The following DPP6 variants were observed in gnomAD, a reference collection of about 807,000 sequenced individuals.
DPP6 encodes dipeptidyl peptidase like 6.
In DPP6, 69 loss-of-function variants were observed where a neutral mutation model predicts 122.6. The ratio of observed to expected loss-of-function variants is 0.56; its 90% CI spans 0.46 to 0.69. The LOEUF (loss-of-function observed/expected upper bound fraction) is 0.69. Ranked by LOEUF, DPP6 falls within the 30% of genes least tolerant of loss-of-function variation. DPP6 has a pLI of 0.00. For synonymous variants in DPP6, 418 were observed against 433.1 expected (o/e 0.97, Z 0.43); for missense variants, 928 against 1,116.9 (o/e 0.83, Z 2.41).
intron 2 of DPP6, among the ~76,000 whole-genome samples, chr7:154,449,420 C>CA (rs1016371579): frequency 2.6e-5 from 4 of 151,888 alleles, no homozygotes; most frequent in African/African-American, 9.7e-5. Context: ...CAAACACAAA[C>CA]AAAAAATGGA....
intron 1 of DPP6, among the ~76,000 whole-genome samples, chr7:154,442,217 A>G: frequency 6.6e-6 from 1 of 152,216 alleles, no homozygotes; most frequent in East Asian, 1.9e-4. Context: ...TGAGACGTTG[A>G]ACACAGTAAG....
At chr7:154,415,974 T>A (rs1816979263) in intron 1 of DPP6, among the ~76,000 whole-genome samples, 1 of 151,602 alleles carries the variant, frequency 6.6e-6, no homozygotes, top group South Asian at 2.1e-4. Context: ...TGCCAGAGAG[T>A]TATAGTAGTC....
chr7:154,206,233 C>T (rs1027244443), intron 1 of DPP6, among the ~76,000 whole-genome samples: 2 of 152,212 alleles, frequency 1.3e-5, no homozygotes, highest in East Asian at 1.9e-4. Flanking sequence ...CTCTATCAAC[C>T]AGCACCGTGG....
intron 1 of DPP6, among the ~76,000 whole-genome samples, chr7:154,352,793 G>A (rs530166267): frequency 6.6e-6 from 1 of 152,208 alleles, no homozygotes; most frequent in Non-Finnish European, 1.5e-5. Context: ...GTATACCTAT[G>A]TAACAAACCT....
At chr7:153,960,283 C>T (rs921775829) in intron 1 of DPP6, among the ~76,000 whole-genome samples, 15 of 152,146 alleles carry the variant, frequency 9.9e-5, no homozygotes, top group African/African-American at 3.6e-4. Context: ...ATTTTACCCA[C>T]AGTAGAACTT....
intron 1 of DPP6, among the ~76,000 whole-genome samples, chr7:154,365,772 C>G (rs1325499803): frequency 6.6e-6 from 1 of 151,952 alleles, no homozygotes; most frequent in African/African-American, 2.4e-5. Context: ...ACTAACACGC[C>G]ACGGTGAAAC....
At chr7:154,750,595 G>A (rs1384475132) in intron 8 of DPP6, among the ~76,000 whole-genome samples, 2 of 152,210 alleles carry the variant, frequency 1.3e-5, no homozygotes, top group Non-Finnish European at 2.9e-5. Context: ...CTGAAGGGTG[G>A]CGGGGGTCGG....
chr7:153,793,471 A>T, the DPP6 span, among the ~76,000 whole-genome samples: 2 of 141,774 alleles, frequency 1.4e-5, no homozygotes, highest in African/African-American at 5.2e-5. Context: ...TAAGCAGCAA[A>T]ACATTCAAGA....
rs78355088 is a variant in DPP6 at position 154,224,507 on chromosome 7, G to A, written c.243+171444G>A. Among the ~76,000 whole-genome samples the A allele has an allele frequency of 6.7e-4, 100 of 149,056 alleles. 16 individuals carry two copies. Among genetic ancestry groups the A allele is most frequent in the African/African-American group, 2.4e-3 (92 of 39,108 alleles). ...AAATGTTTCTGCATTGGTCTCCCAG[G>A]CCATTCCAATCAACTGCAAAGCTTC... On this transcript the variant is annotated intron_variant, in intron 1 of 25. Transcript: ENST00000377770.
In DPP6 at chr7:154,877,928, T is replaced by C. The variant is rs972077720; in HGVS notation, c.2078+1828T>C. 1.3e-5 allele frequency among the ~76,000 whole-genome samples: 2 copies of C among 152,120 alleles called. No homozygotes were observed. Among genetic ancestry groups the C allele is most frequent in the Admixed American group, 1.3e-4 (2 of 15,280 alleles). ...TGGCTGCTGGGTCAGCAGCGGGCAG[T>C]GCCAGCCACAGAGGACTCCCAGGAC... On this transcript the variant is annotated intron_variant, in intron 20 of 25. Transcript: ENST00000377770. This position sits in a 1 kb window ranked among gnomAD's most constrained non-coding sequence, Gnocchi z 5.2.
rs773671810 is a variant in DPP6 at position 154,720,786 on chromosome 7, G to A, written c.763-6981G>A. On this transcript the variant is annotated intron_variant, in intron 7 of 25. Transcript: ENST00000377770. Reference sequence around the variant, plus strand: ...GGGTGGGCAGCCCCTTCACCAGAACGGAATGCAAGTGCTGAGCCAGCTGAC... The same window carrying A: ...GGGTGGGCAGCCCCTTCACCAGAACAGAATGCAAGTGCTGAGCCAGCTGAC... Among the ~76,000 whole-genome samples, 37 of 152,376 alleles carry A rather than the reference G, an allele frequency of 2.4e-4. No homozygotes were observed. In the Middle Eastern group the frequency reaches 0.02, roughly 84 times the overall value.
intron 16 of DPP6, among the ~76,000 whole-genome samples, chr7:154,825,152 A>G (rs1035969382): frequency 6.6e-6 from 1 of 152,194 alleles, no homozygotes; most frequent in African/African-American, 2.4e-5. Flanking sequence ...ATGGCCAAAG[A>G]GGACTTCTTC....
intron 1 of DPP6, among the ~76,000 whole-genome samples, chr7:154,244,622 T>C (rs1801852796): frequency 1.3e-5 from 2 of 152,122 alleles, no homozygotes; most frequent in South Asian, 2.1e-4. Flanking sequence ...ATTGATATAA[T>C]ATTGACTGTA....
intron 1 of DPP6, among the ~76,000 whole-genome samples, chr7:154,114,187 C>T (rs552795793): frequency 3.1e-4 from 47 of 151,662 alleles, no homozygotes; most frequent in African/African-American, 1.1e-3. Context: ...CTTCATTTAG[C>T]ACAGCCCTGG....
intron 17 of DPP6, among the ~76,000 whole-genome samples, chr7:154,854,995 G>T (rs1000110739): frequency 1.3e-5 from 2 of 152,050 alleles, no homozygotes; most frequent in African/African-American, 2.4e-5. Context: ...TAGGTCTGGG[G>T]ACAGAGGTGA....
chr7:154,561,665 A>G (rs1051278317), intron 4 of DPP6, among the ~76,000 whole-genome samples: 2 of 152,154 alleles, frequency 1.3e-5, no homozygotes, highest in African/African-American at 4.8e-5. Context: ...AAGATTTAAA[A>G]CCCCAAGTAC....
chr7:154,423,329 C>T (rs1047038161), intron 1 of DPP6, among the ~76,000 whole-genome samples: 6 of 152,014 alleles, frequency 3.9e-5, no homozygotes, highest in African/African-American at 7.2e-5. Context: ...GTGGTGTCTG[C>T]GAACTGGCAA....
chr7:154,666,830 T>G (rs1382951467), intron 6 of DPP6, among the ~76,000 whole-genome samples: 1 of 152,236 alleles, frequency 6.6e-6, no homozygotes, highest in Admixed American at 6.5e-5. Flanking sequence ...GTGCATTGTT[T>G]GAGGTGAATT....
At chr7:154,147,975 C>G (rs1747623688) in intron 1 of DPP6, among the ~76,000 whole-genome samples, 1 of 151,302 alleles carries the variant, frequency 6.6e-6, no homozygotes, top group Non-Finnish European at 1.5e-5. Context: ...CACAGTTATT[C>G]CCTTTACTTC....
Sources: allele counts gnomAD v4.1 joint callset (sites outside exome capture counted in the v4.1 genomes callset), GRCh38; gene constraint gnomAD v4.1.1; non-coding constraint Gnocchi (gnomAD v3.1); transcripts MANE v1.5; gene names NCBI Gene and HGNC (gene_info 2026-07-23, HGNC 2026-07-21).